Variants in NBPF26 observed in about 807,000 individuals in gnomAD.
NBPF26 encodes the protein NBPF member 26.
NBPF26 carries 79 observed loss-of-function variants against 119.6 expected under a neutral mutation model. The observed-to-expected ratio is 0.66, with a 90% confidence interval of 0.55 to 0.80. The LOEUF is 0.80. NBPF26 is among the 30% of genes least tolerant of loss of function. The probability of loss-of-function intolerance (pLI) is 0.00; values close to 1 mark genes in which losing one functional copy is unlikely to be tolerated. For missense variants in NBPF26, 800 were observed against 1,198.2 expected, an observed-to-expected ratio of 0.67 and a Z score of 4.91; for synonymous variants, 299 against 457.7, an observed-to-expected ratio of 0.65 and a Z score of 4.43.
chr1:120,801,826 CAAAAAAAAAAAA>C (rs1168359637), intron 4 of NBPF26, among the ~76,000 whole-genome samples: 4 of 9,080 alleles, frequency 4.4e-4, no homozygotes, highest in Non-Finnish European at 6.2e-4. Context: ...GACCCTGTCT[CAAAAAAAAAAAA>C]AAAAAAAAAA....
intron 10 of NBPF26, among the ~76,000 whole-genome samples, chr1:120,812,889 C>A (rs1651902959): frequency 8.9e-6 from 1 of 111,834 alleles, no homozygotes; most frequent in Non-Finnish European, 1.7e-5. Flanking sequence ...TGCCATTGCA[C>A]TCCAGCCTGG....
At chr1:120,752,554 ATTTTTTTTTTT>A (rs1188849971) in intron 1 of NBPF26, among the ~76,000 whole-genome samples, 1 of 3,744 alleles carries the variant, frequency 2.7e-4, no homozygotes, top group African/African-American at 1.7e-3. Context: ...ATATATATAT[ATTTTTTTTTTT>A]TTTTTTTTTC....
rs1408558817 is a variant in NBPF26 at position 120,792,751 on chromosome 1, C to T, written c.416-410C>T. Among the ~76,000 whole-genome samples, 20 of 103,260 alleles carry T rather than the reference C, an allele frequency of 1.9e-4. 4 individuals carry two copies. Among genetic ancestry groups the T allele is most frequent in the African/African-American group, 8.7e-4 (14 of 16,024 alleles). 67.7% of individuals were successfully genotyped at this position (103,260 alleles called of 152,430 possible). A position where few individuals can be genotyped will look rare whatever the true frequency, so the allele number is the denominator to read the frequency against. ...TCCTTACCTCATGATCTGCCTGCCTCGGCCTCCCAAAGTGCTGGAATTACA... is the reference window on the plus strand; with the variant it reads ...TCCTTACCTCATGATCTGCCTGCCTTGGCCTCCCAAAGTGCTGGAATTACA... On this transcript the variant is annotated intron_variant, in intron 3 of 29. Coordinates refer to ENST00000620612, the Ensembl canonical transcript of NBPF26.
Position 120,811,522 on chromosome 1 carries a change from G to T in NBPF26, c.1565-364G>T, listed in dbSNP as rs1175737342. ...ATTGTGCCTCTGCACTGCAGCCTGC[G>T]CGACAGAGTGAGACTCCGTCTCAAA... On this transcript the variant is annotated intron_variant, in intron 9 of 29. Transcript: ENST00000620612. 7.5e-3 allele frequency among the ~76,000 whole-genome samples: 848 copies of T among 112,994 alleles called. 342 individuals carry two copies. The highest frequency in any genetic ancestry group is 0.042 in the African/African-American group (815 of 19,614). 74.1% of individuals were successfully genotyped at this position (112,994 alleles called of 152,430 possible).
At chr1:120,813,473 G>T in intron 10 of NBPF26, among the ~76,000 whole-genome samples, 1 of 127,288 alleles carries the variant, frequency 7.9e-6, no homozygotes, top group Non-Finnish European at 1.6e-5. Flanking sequence ...GAAATTCCCA[G>T]TAAAAGGGAA....
chr1:120,789,952 T>G (rs1305218404), intron 3 of NBPF26, among the ~76,000 whole-genome samples: 1 of 84,054 alleles, frequency 1.2e-5, no homozygotes, highest in Non-Finnish European at 2.1e-5. Flanking sequence ...AAATTAAAAC[T>G]TCTTCCTTGT....
In NBPF26 at chr1:120,776,360, A is replaced by G. The variant is rs1249410035; in HGVS notation, c.156-8614A>G. Reference sequence around the variant, plus strand: ...GAAAAGCATTTTGGGCTGACTGAACAGCGTGTACAGAGGTCTGGAAGTGAG... The same window carrying G: ...GAAAAGCATTTTGGGCTGACTGAACGGCGTGTACAGAGGTCTGGAAGTGAG... On this transcript the variant is annotated intron_variant, in intron 2 of 29. Coordinates refer to ENST00000620612, the Ensembl canonical transcript of NBPF26. 5.0e-4 allele frequency among the ~76,000 whole-genome samples: 39 copies of G among 77,956 alleles called. 6 individuals are homozygous for G. The highest frequency in any genetic ancestry group is 4.3e-3 in the South Asian group (10 of 2,350). 51.1% of individuals were successfully genotyped at this position (77,956 alleles called of 152,430 possible).
chr1:120,792,568 C>T (rs1186267052), intron 3 of NBPF26, among the ~76,000 whole-genome samples: 1 of 110,324 alleles, frequency 9.1e-6, no homozygotes, highest in Non-Finnish European at 1.7e-5. Context: ...GTGGTACAAT[C>T]TCGGCTCACT....
intron 27 of NBPF26, among the ~76,000 whole-genome samples, chr1:120,838,472 G>C (rs1345573676): frequency 1.0e-3 from 60 of 57,218 alleles, no homozygotes; most frequent in African/African-American, 4.3e-3. Flanking sequence ...GTGTCACCTG[G>C]ACAATTCACT....
In NBPF26 at chr1:120,820,515, A is replaced by T. The variant is rs1241748499; in HGVS notation, c.2424-1589A>T. Among the ~76,000 whole-genome samples the T allele has an allele frequency of 7.6e-4, 17 of 22,458 alleles. 1 individual carries two copies. Among genetic ancestry groups the T allele is most frequent in the African/African-American group, 2.9e-3 (15 of 5,194 alleles). The allele number at this position is 22,458 out of a possible 152,430, so 14.7% of individuals were successfully genotyped here. ...ACATACACACAAAAAATAATAAAGGAAAACTATACATATGGAAAAAAAAAA... is the reference window on the plus strand; with the variant it reads ...ACATACACACAAAAAATAATAAAGGTAAACTATACATATGGAAAAAAAAAA... On this transcript the variant is annotated intron_variant, in intron 15 of 29. Transcript: ENST00000620612.
intron 1 of NBPF26, 33 bp downstream of exon 1, chr1:120,724,283 C>G: frequency 1.5e-6 from 2 of 1,375,820 alleles, no homozygotes; most frequent in Non-Finnish European, 1.9e-6. Context: ...CTGTCCGCGG[C>G]GCCCGGGGCT....
chr1:120,829,770 A>T (rs1652305711), exon 19 of NBPF26: 1 of 795,204 alleles, frequency 1.3e-6, no homozygotes, highest in African/African-American at 3.3e-5. Flanking sequence ...GCAGAAATTG[A>T]AAAGTACCAA....
rs1287803226 is a variant in NBPF26 at position 120,743,804 on chromosome 1, A to C, written c.73+19554A>C. Reference sequence around the variant, plus strand: ...TAGTGTGAGCCCAGGGAATGTGCTTAGATAAAAGCACATTTAACAAATAGG... The same window carrying C: ...TAGTGTGAGCCCAGGGAATGTGCTTCGATAAAAGCACATTTAACAAATAGG... On this transcript the variant is annotated intron_variant, in intron 1 of 29. Coordinates refer to ENST00000620612, the Ensembl canonical transcript of NBPF26. 1.6e-5 allele frequency among the ~76,000 whole-genome samples: 2 copies of C among 127,516 alleles called. 1 individual carries two copies. The highest frequency in any genetic ancestry group is 1.6e-4 in the Admixed American group (2 of 12,354). 83.7% of individuals were successfully genotyped at this position (127,516 alleles called of 152,430 possible).
chr1:120,804,273 T>C (rs1651623771), intron 4 of NBPF26, among the ~76,000 whole-genome samples: 1 of 107,110 alleles, frequency 9.3e-6, no homozygotes, highest in East Asian at 2.2e-4. Context: ...GAAGAGGTGG[T>C]TCAGAGGATC....
intron 11 of NBPF26, 130 bp from the exon 12 acceptor site, chr1:120,814,699 C>T: frequency 3.0e-6 from 2 of 657,938 alleles, no homozygotes; most frequent in East Asian, 2.5e-5. Flanking sequence ...ACAGACATTC[C>T]TTTAAACATG....
At chr1:120,823,844 C>A in intron 17 of NBPF26, 130 bp from the exon 18 acceptor site, 1 of 553,300 alleles carries the variant, frequency 1.8e-6, no homozygotes, top group East Asian at 3.0e-5. Context: ...AGGCAATAAT[C>A]TGTTACCTCA....
chr1:120,840,879 C>T (rs1652507675), downstream of NBPF26: 2 of 478,058 alleles, frequency 4.2e-6, 1 homozygote, highest in Non-Finnish European at 6.9e-6. Flanking sequence ...CTACAAAATT[C>T]CTCAGGGATG....
In NBPF26 at chr1:120,794,243, G is replaced by C. The variant is rs1483400217; in HGVS notation, c.751+747G>C. On this transcript the variant is annotated intron_variant, in intron 4 of 29. Transcript: ENST00000620612. ...TAGAAATAAAAAGAGGAGCAGTGTC[G>C]GGGAGCTTGGGGCCTGGTGTTCCAT... Among the ~76,000 whole-genome samples the C allele has an allele frequency of 1.8e-5, 2 of 113,282 alleles. 1 individual carries two copies. Among genetic ancestry groups the C allele is most frequent in the African/African-American group, 1.1e-4 (2 of 18,752 alleles). 74.3% of individuals were successfully genotyped at this position (113,282 alleles called of 152,430 possible).
chr1:120,808,334 C>T (rs1464697168), intron 6 of NBPF26, among the ~76,000 whole-genome samples: 2 of 119,144 alleles, frequency 1.7e-5, no homozygotes, highest in South Asian at 2.5e-4. Flanking sequence ...GGAACATCAT[C>T]GAGGATCTTG....
Sources: allele counts gnomAD v4.1 joint callset (sites outside exome capture counted in the v4.1 genomes callset), GRCh38; gene constraint gnomAD v4.1.1; transcripts MANE v1.5; gene names NCBI Gene and HGNC (gene_info 2026-07-23, HGNC 2026-07-21).